The following ARHGEF7 variants were observed in gnomAD, a reference collection of about 807,000 sequenced individuals.
ARHGEF7 encodes PAK-interacting exchange factor beta.
A neutral mutation model predicts 109.8 loss-of-function variants in ARHGEF7; 33 were observed. That is an observed-to-expected ratio of 0.30 (90% CI 0.23 to 0.40). The LOEUF (loss-of-function observed/expected upper bound fraction) is 0.40. Ranked by LOEUF, ARHGEF7 falls within the 10% of genes least tolerant of loss-of-function variation. The pLI is 1.00. For missense variants in ARHGEF7, 938 were observed against 1,098.5 expected (o/e 0.85, Z 2.07); for synonymous variants, 458 against 424.6 (o/e 1.08, Z -0.97).
intron 2 of ARHGEF7, among the ~76,000 whole-genome samples, chr13:111,156,229 ATAT>A (rs2076320365): frequency 6.6e-6 from 1 of 152,232 alleles, no homozygotes; most frequent in Non-Finnish European, 1.5e-5. Flanking sequence ...TTTCACTAAC[ATAT>A]TCCAAGCATC....
chr13:111,284,923 C>T (rs972441623), intron 16 of ARHGEF7, among the ~76,000 whole-genome samples: 3 of 152,256 alleles, frequency 2.0e-5, no homozygotes, highest in Non-Finnish European at 2.9e-5. Flanking sequence ...TCTCAATTTG[C>T]TTCGAATTAG....
intron 1 of ARHGEF7, among the ~76,000 whole-genome samples, chr13:111,122,036 C>G (rs994634951): frequency 6.6e-6 from 1 of 152,208 alleles, no homozygotes; most frequent in African/African-American, 2.4e-5. Flanking sequence ...CCATCCAAAT[C>G]CAGGAACACG....
chr13:111,178,649 G>A (rs371085672), intron 2 of ARHGEF7, among the ~76,000 whole-genome samples: 10 of 152,332 alleles, frequency 6.6e-5, no homozygotes, highest in African/African-American at 2.2e-4. Flanking sequence ...TGGGCATGGT[G>A]AGGAGTGCCA....
chr13:111,154,604 G>A (rs1566645228), intron 2 of ARHGEF7, among the ~76,000 whole-genome samples: 1 of 152,158 alleles, frequency 6.6e-6, no homozygotes, highest in Non-Finnish European at 1.5e-5. Flanking sequence ...CATGCTGTCG[G>A]GGAACATACT....
chr13:111,287,508 C>G (rs907698124), intron 17 of ARHGEF7, among the ~76,000 whole-genome samples: 1 of 152,198 alleles, frequency 6.6e-6, no homozygotes, highest in Non-Finnish European at 1.5e-5. Context: ...CTCATAGAGC[C>G]TATGTTTTAG....
intron 6 of ARHGEF7, chr13:111,241,025 G>A: frequency 2.2e-6 from 2 of 902,410 alleles, no homozygotes; most frequent in South Asian, 1.9e-5. Flanking sequence ...GTGTCTGCGA[G>A]GCACAGCAGT....
chr13:111,260,723 A>G (rs963269407), intron 8 of ARHGEF7, among the ~76,000 whole-genome samples: 2 of 152,250 alleles, frequency 1.3e-5, no homozygotes, highest in Admixed American at 6.5e-5. Context: ...GTATAACACT[A>G]TGTGTAAACT....
intron 10 of ARHGEF7, 115 bp downstream of exon 10, chr13:111,274,067 A>C (rs1482565694): frequency 7.9e-7 from 1 of 1,264,864 alleles, no homozygotes; most frequent in African/African-American, 1.5e-5. Context: ...GAACCAACAG[A>C]GTTTACAAAG....
intron 3 of ARHGEF7, chr13:111,209,126 A>C (rs1466042250): frequency 6.6e-6 from 1 of 152,222 alleles, no homozygotes; most frequent in Non-Finnish European, 1.5e-5. Context: ...CCTGGAGTTT[A>C]GGACATGGCC....
At chr13:111,248,078 A>T (rs565281709) in intron 8 of ARHGEF7, among the ~76,000 whole-genome samples, 1 of 152,076 alleles carries the variant, frequency 6.6e-6, no homozygotes, top group Non-Finnish European at 1.5e-5. Flanking sequence ...TTTGTAATTC[A>T]GGTGTGTTAC....
chr13:111,292,167 C>G lies in ARHGEF7; in HGVS notation c.2184C>G (p.Asp728Glu). 1 of 1,613,612 alleles carries G rather than the reference C, an allele frequency of 6.2e-7. No individual in the cohort carries two copies. Among genetic ancestry groups the G allele is most frequent in the Non-Finnish European group, 8.5e-7 (1 of 1,180,012 alleles). ...ATAATCACGTCTTGGCTGATGATGA[C>G]CAACCAAGCCTAGACTCCCTGGGGC... ...LMHNHVLADD[D>E]QPSLDSLGRR... Residue 728 changes from aspartate to glutamate, a missense_variant, in exon 19 of 22, where the codon GAC becomes GAG. Coordinates refer to ENST00000646102, the MANE Select transcript of ARHGEF7 (RefSeq NM_001354046.2).
chr13:111,253,921 T>TGG (rs1405270836), intron 8 of ARHGEF7, among the ~76,000 whole-genome samples: 24 of 152,350 alleles, frequency 1.6e-4, no homozygotes, highest in Non-Finnish European at 1.5e-5. Flanking sequence ...ATGTGATACA[T>TGG]GGGACGCCTT....
chr13:111,194,273 G>T (rs541942166), intron 2 of ARHGEF7, among the ~76,000 whole-genome samples: 1 of 152,254 alleles, frequency 6.6e-6, no homozygotes, highest in East Asian at 1.9e-4. Context: ...TCTGGAGCTT[G>T]TACTAGGTTC....
At chr13:111,163,297 A>C (rs748870637) in intron 2 of ARHGEF7, among the ~76,000 whole-genome samples, 1 of 152,214 alleles carries the variant, frequency 6.6e-6, no homozygotes, top group African/African-American at 2.4e-5. Flanking sequence ...AAGTGTCAAG[A>C]GATGGCCCTC....
chr13:111,126,013 C>T (rs902016645), intron 1 of ARHGEF7, among the ~76,000 whole-genome samples: 2 of 152,192 alleles, frequency 1.3e-5, no homozygotes, highest in African/African-American at 4.8e-5. Flanking sequence ...TCAGTCCAGG[C>T]CTCTGTTTAC....
At chr13:111,292,361 CTTG>C in intron 19 of ARHGEF7, 67 bp downstream of exon 19, 1 of 1,596,276 alleles carries the variant, frequency 6.3e-7, no homozygotes, top group Non-Finnish European at 8.6e-7. Context: ...TTAACAAATG[CTTG>C]TTGTATCGCA....
chr13:111,273,188 C>T lies in ARHGEF7; in HGVS notation c.1074-626C>T, dbSNP rs2092284309. 1.3e-5 allele frequency among the ~76,000 whole-genome samples: 2 copies of T among 152,224 alleles called. No individual in the cohort carries two copies. Among genetic ancestry groups the T allele is most frequent in the Admixed American group, 6.5e-5 (1 of 15,292 alleles). On this transcript the variant is annotated intron_variant, in intron 9 of 21. Coordinates refer to ENST00000646102, the MANE Select transcript of ARHGEF7 (RefSeq NM_001354046.2). The surrounding 1 kb of genome is among the most constrained non-coding windows in gnomAD (Gnocchi z 4.5). ...CGTAAATCAACATTCGCTGTCTGCA[C>T]ACAGGGACCCCTTTCTTCCTCACGT... is the stretch of plus-strand genomic sequence containing the variant.
At chr13:111,214,998 G>C (rs1420454285) in intron 4 of ARHGEF7, among the ~76,000 whole-genome samples, 1 of 151,864 alleles carries the variant, frequency 6.6e-6, no homozygotes, top group Non-Finnish European at 1.5e-5. Flanking sequence ...CTTAAAGTCA[G>C]GTGATTCGCT....
chr13:111,295,717 C>T (rs1013145510), intron 19 of ARHGEF7, among the ~76,000 whole-genome samples: 1 of 152,018 alleles, frequency 6.6e-6, no homozygotes, highest in Non-Finnish European at 1.5e-5. Context: ...TAAATTAGAC[C>T]CTTAGAGCCA....
Sources: gnomAD v4.1 joint callset for allele counts (sites outside exome capture counted in the v4.1 genomes callset) on GRCh38, gnomAD v4.1.1 for gene constraint, Gnocchi (gnomAD v3.1) non-coding constraint, MANE v1.5 for transcripts, NCBI Gene and HGNC (gene_info 2026-07-23, HGNC 2026-07-21) for gene names.